GFRAL: variants seen among roughly 807,000 people sequenced by gnomAD.
GFRAL encodes the protein GDNF family receptor alpha-like.
GFRAL carries 36 observed loss-of-function variants against 45.4 expected under a neutral mutation model. The observed-to-expected ratio is 0.79, with a 90% confidence interval of 0.61 to 1.05. GFRAL has a LOEUF of 1.05. Ranked by LOEUF, GFRAL falls within the 50% of genes least tolerant of loss-of-function variation. The pLI is 0.00. For synonymous variants in GFRAL, 166 were observed against 154.1 expected (o/e 1.08, Z -0.57); for missense variants, 507 against 467.5 (o/e 1.08, Z -0.78).
intron 6 of GFRAL, among the ~76,000 whole-genome samples, chr6:55,364,897 G>C (rs1034668137): frequency 1.3e-5 from 2 of 152,106 alleles, no homozygotes; most frequent in African/African-American, 4.8e-5. Context: ...TGTTCTTTTG[G>C]CTGAGGATTG....
At chr6:55,375,035 A>G (rs1261593045) in intron 6 of GFRAL, among the ~76,000 whole-genome samples, 1 of 152,134 alleles carries the variant, frequency 6.6e-6, no homozygotes, top group Non-Finnish European at 1.5e-5. Context: ...GCCTCACAGT[A>G]TAGTTTGAAG....
intron 6 of GFRAL, among the ~76,000 whole-genome samples, chr6:55,367,358 T>A (rs902509482): frequency 7.0e-6 from 1 of 143,164 alleles, no homozygotes; most frequent in Non-Finnish European, 1.5e-5. Context: ...ATGGGTTTCC[T>A]GAATACAGCA....
intron 6 of GFRAL, among the ~76,000 whole-genome samples, chr6:55,369,433 G>A (rs898835082): frequency 1.6e-4 from 25 of 152,312 alleles, no homozygotes; most frequent in South Asian, 4.1e-4. Flanking sequence ...GCTGTAGACC[G>A]GAGCTGTTCC....
chr6:55,348,960 A>G (rs541661312), intron 3 of GFRAL, among the ~76,000 whole-genome samples: 2 of 152,238 alleles, frequency 1.3e-5, no homozygotes, highest in East Asian at 1.9e-4. Context: ...TGTACCTGTT[A>G]CAAAAGCTAT....
chr6:55,333,907 G>A lies in GFRAL; in HGVS notation c.279G>A (p.Val93=), dbSNP rs146161002. The change falls in exon 3 of 9, where the codon GTG becomes GTA. Residue 93 remains valine, a synonymous_variant. Transcript: ENST00000340465. ...GCACTGATGACTTCTATTGTACTGT[G>A]AACAAACTGCTTGGAAAAAAATGTA... ...CLCTDDFYCT[V]NKLLGKKCIN... The A allele has an allele frequency of 6.4e-7, 1 of 1,572,736 alleles. No homozygotes were observed. The highest frequency in any genetic ancestry group is 1.4e-5 in the African/African-American group (1 of 73,340).
At chr6:55,330,958 T>C (rs1300846422) in intron 1 of GFRAL, among the ~76,000 whole-genome samples, 1 of 152,186 alleles carries the variant, frequency 6.6e-6, no homozygotes, top group Non-Finnish European at 1.5e-5. Context: ...GTTTGAGTTC[T>C]CATGTTAATT....
chr6:55,351,232 T>G, intron 4 of GFRAL, 21 bp from the exon 5 acceptor site: 2 of 1,526,166 alleles, frequency 1.3e-6, no homozygotes, highest in Non-Finnish European at 1.8e-6. Flanking sequence ...TTCCACGACC[T>G]GGGCATATCA....
At chr6:55,337,829 A>G (rs1767911356) in intron 3 of GFRAL, among the ~76,000 whole-genome samples, 1 of 151,916 alleles carries the variant, frequency 6.6e-6, no homozygotes, top group South Asian at 2.1e-4. Flanking sequence ...TGTCCTTTCA[A>G]TTTTACTATT....
chr6:55,357,256 T>C (rs1475920206), intron 5 of GFRAL, among the ~76,000 whole-genome samples: 1 of 151,910 alleles, frequency 6.6e-6, no homozygotes, highest in Non-Finnish European at 1.5e-5. Flanking sequence ...TGATTTTCTG[T>C]CTGAATGATC....
At position 55,364,938 on chromosome 6, in the gene GFRAL, A is replaced by G. The variant is rs1768338562; in HGVS notation, c.952+5800A>G. On this transcript the variant is annotated intron_variant, in intron 6 of 8. Coordinates refer to ENST00000340465, the MANE Select transcript of GFRAL (RefSeq NM_207410.2). The stretch of plus-strand genomic sequence containing the variant: ...GTGATGCGGGCTCTTTTTTGGTTCC[A>G]TATGAACTTTAAAGTAGTTTTTTCC... Among the ~76,000 whole-genome samples, 8 of 152,018 alleles carry G rather than the reference A, an allele frequency of 5.3e-5. No homozygotes were observed. In the South Asian group the frequency reaches 1.5e-3, roughly 28 times the overall value.
intron 6 of GFRAL, among the ~76,000 whole-genome samples, chr6:55,369,506 T>C (rs1365352154): frequency 1.3e-5 from 2 of 152,212 alleles, no homozygotes; most frequent in Non-Finnish European, 2.9e-5. Flanking sequence ...TATCTTATAG[T>C]AGAGCTATAT....
intron 6 of GFRAL, among the ~76,000 whole-genome samples, chr6:55,384,270 TA>T (rs374788881): frequency 0.015 from 2,212 of 151,470 alleles, 59 homozygotes; most frequent in African/African-American, 0.05. Context: ...TTAAAGTATA[TA>T]AAAAAAACTC....
At chr6:55,347,522 A>G (rs990441450) in intron 3 of GFRAL, among the ~76,000 whole-genome samples, 1 of 152,216 alleles carries the variant, frequency 6.6e-6, no homozygotes, top group Admixed American at 6.6e-5. Flanking sequence ...TCAGGGCAAG[A>G]CTTTGAGGTT....
chr6:55,352,191 G>A (rs976206451), intron 5 of GFRAL, among the ~76,000 whole-genome samples: 7 of 152,002 alleles, frequency 4.6e-5, no homozygotes, highest in African/African-American at 1.7e-4. Flanking sequence ...CATTCACTTT[G>A]TTTTCAGAGC....
At chr6:55,375,966 C>T (rs184443965) in intron 6 of GFRAL, among the ~76,000 whole-genome samples, 1 of 152,222 alleles carries the variant, frequency 6.6e-6, no homozygotes, top group African/African-American at 2.4e-5. Flanking sequence ...CCAGCTTTTG[C>T]ACATTCAGTA....
intron 6 of GFRAL, among the ~76,000 whole-genome samples, chr6:55,381,388 G>A (rs1768605500): frequency 6.6e-6 from 1 of 151,834 alleles, no homozygotes. Flanking sequence ...CATGTTAGAT[G>A]TCAAGATGCT....
intron 6 of GFRAL, among the ~76,000 whole-genome samples, chr6:55,371,241 A>G (rs1768446308): frequency 6.6e-6 from 1 of 152,236 alleles, no homozygotes; most frequent in Non-Finnish European, 1.5e-5. Flanking sequence ...TCTCAGGATT[A>G]TACTGTCAAA....
intron 6 of GFRAL, among the ~76,000 whole-genome samples, chr6:55,371,712 T>G (rs912181498): frequency 2.6e-5 from 4 of 152,238 alleles, no homozygotes; most frequent in Admixed American, 6.5e-5. Flanking sequence ...CATCTGAAAT[T>G]TGTTCAGTAC....
At chr6:55,338,655 A>C (rs1767921654) in intron 3 of GFRAL, among the ~76,000 whole-genome samples, 1 of 152,202 alleles carries the variant, frequency 6.6e-6, no homozygotes, top group Non-Finnish European at 1.5e-5. Flanking sequence ...CAGAATTGTT[A>C]GACTTGGGCC....
Sources: allele counts gnomAD v4.1 joint callset (sites outside exome capture counted in the v4.1 genomes callset), GRCh38; gene constraint gnomAD v4.1.1; transcripts MANE v1.5; gene names NCBI Gene and HGNC (gene_info 2026-07-23, HGNC 2026-07-21).